Variants in NBAS observed in about 807,000 individuals in gnomAD.
NBAS encodes the protein NBAS subunit of NRZ tethering complex.
In NBAS, 219 loss-of-function variants were observed where a neutral mutation model predicts 302.5. The observed-to-expected ratio is 0.72, with a 90% confidence interval of 0.65 to 0.81. The LOEUF (loss-of-function observed/expected upper bound fraction) is 0.81. Among genes scored for constraint, NBAS ranks in the 30% least tolerant of loss-of-function variants. NBAS has a pLI of 0.00. For missense variants in NBAS, 2,932 were observed against 2,841.6 expected (o/e 1.03, Z -0.72); for synonymous variants, 1,118 against 1,021.6 (o/e 1.09, Z -1.80).
chr2:15,439,729 G>A (rs1269933010), intron 21 of NBAS, among the ~76,000 whole-genome samples: 1 of 152,158 alleles, frequency 6.6e-6, no homozygotes, highest in Non-Finnish European at 1.5e-5. Flanking sequence ...AAGCGCAAGG[G>A]GTCAGGGAGT....
the NBAS span, among the ~76,000 whole-genome samples, chr2:15,037,501 A>G: frequency 6.6e-6 from 1 of 152,248 alleles, no homozygotes; most frequent in Non-Finnish European, 1.5e-5. Flanking sequence ...TCAGGGGTGG[A>G]TATATTTTAT....
intron 35 of NBAS, among the ~76,000 whole-genome samples, chr2:15,348,774 A>C (rs1363327543): frequency 2.0e-5 from 3 of 152,094 alleles, no homozygotes; most frequent in Non-Finnish European, 2.9e-5. Flanking sequence ...GGTGTTTCCA[A>C]CTGAGCTTTA....
rs778189293 is a variant in NBAS at position 15,502,210 on chromosome 2, A to G, written c.954+1935T>C. Among the ~76,000 whole-genome samples, 121 of 152,334 alleles carry G rather than the reference A, an allele frequency of 7.9e-4. No individual in the cohort carries two copies. The Middle Eastern group carries it at 0.017, about 21-fold the overall frequency. On this transcript the variant is annotated intron_variant, in intron 11 of 51. Transcript: ENST00000281513. The stretch of plus-strand genomic sequence containing the variant: ...TCTTGAGGCCTTAATCTCTTCATCA[A>G]TAAAAAGCAGGCATCATAATGCCAG...
At chr2:15,326,982 T>C (rs1238702322) in intron 38 of NBAS, among the ~76,000 whole-genome samples, 1 of 152,104 alleles carries the variant, frequency 6.6e-6, no homozygotes, top group Non-Finnish European at 1.5e-5. Flanking sequence ...TTACTTTACA[T>C]AGGAACGTGC....
chr2:15,454,147 C>G (rs1679144614), intron 21 of NBAS, among the ~76,000 whole-genome samples: 1 of 152,072 alleles, frequency 6.6e-6, no homozygotes, highest in Non-Finnish European at 1.5e-5. Context: ...CCCATTAATA[C>G]TATAAAATAT....
chr2:15,442,537 A>G (rs944311892), intron 21 of NBAS, among the ~76,000 whole-genome samples: 71 of 152,182 alleles, frequency 4.7e-4, no homozygotes, highest in African/African-American at 1.6e-3. Context: ...CTAAATGCCC[A>G]CAAGAGAAAG....
chr2:15,141,690 G>A, the NBAS span, among the ~76,000 whole-genome samples: 1 of 152,032 alleles, frequency 6.6e-6, no homozygotes, highest in Non-Finnish European at 1.5e-5. Flanking sequence ...ATTTTGTTTT[G>A]TTTTGTTTTG....
At chr2:15,241,879 C>T (rs1445047313) in intron 44 of NBAS, among the ~76,000 whole-genome samples, 16 of 152,302 alleles carry the variant, frequency 1.1e-4, no homozygotes, top group East Asian at 5.8e-4. Context: ...TCTCTGGCTT[C>T]GTGGTATAAT....
At chr2:15,301,442 C>A (rs1373987200) in intron 40 of NBAS, among the ~76,000 whole-genome samples, 1 of 152,188 alleles carries the variant, frequency 6.6e-6, no homozygotes, top group Non-Finnish European at 1.5e-5. Context: ...CCACAACAAT[C>A]ACCAACACAG....
At chr2:15,390,636 G>C (rs1010763124) in intron 28 of NBAS, among the ~76,000 whole-genome samples, 5 of 152,118 alleles carry the variant, frequency 3.3e-5, no homozygotes, top group Non-Finnish European at 7.4e-5. Context: ...AACTATGTGA[G>C]ATGATGAATG....
At chr2:14,997,983 G>A in the NBAS span, among the ~76,000 whole-genome samples, 38 of 152,064 alleles carry the variant, frequency 2.5e-4, no homozygotes, top group Admixed American at 7.9e-4. Flanking sequence ...CTTTCTCCTC[G>A]CTTTTTCCCA....
chr2:14,995,845 C>T, the NBAS span, among the ~76,000 whole-genome samples: 1 of 152,122 alleles, frequency 6.6e-6, no homozygotes, highest in Admixed American at 6.5e-5. Flanking sequence ...GCTCAGCCTC[C>T]CAAGTAGCTA....
chr2:15,252,086 A>G (rs902475671), intron 44 of NBAS, among the ~76,000 whole-genome samples: 4 of 152,254 alleles, frequency 2.6e-5, no homozygotes, highest in African/African-American at 9.6e-5. Context: ...GGAGAGCAAC[A>G]CAATCAGCAC....
chr2:15,039,556 C>A, the NBAS span, among the ~76,000 whole-genome samples: 1 of 152,196 alleles, frequency 6.6e-6, no homozygotes, highest in African/African-American at 2.4e-5. Context: ...GCTCAATATT[C>A]TATGCACAAG....
At chr2:15,180,566 G>A (rs1572404932) in intron 50 of NBAS, among the ~76,000 whole-genome samples, 1 of 152,198 alleles carries the variant, frequency 6.6e-6, no homozygotes, top group East Asian at 1.9e-4. Flanking sequence ...GCCGCATCCT[G>A]TGGCCTCTTC....
At chr2:15,179,304 TG>T (rs1664710975) in intron 50 of NBAS, 188 bp from the exon 51 acceptor site, 1 of 755,878 alleles carries the variant, frequency 1.3e-6, no homozygotes, top group Non-Finnish European at 2.2e-6. Flanking sequence ...CACAGTAAAC[TG>T]TGTACAGATT....
chr2:15,068,263 G>A, the NBAS span, among the ~76,000 whole-genome samples: 1 of 152,306 alleles, frequency 6.6e-6, no homozygotes, highest in Non-Finnish European at 1.5e-5. Context: ...TCTGTTGTGA[G>A]CGTTAATGAG....
At chr2:15,178,801 G>C (rs1002359356) in intron 51 of NBAS, among the ~76,000 whole-genome samples, 187 bp downstream of exon 51, 1 of 152,188 alleles carries the variant, frequency 6.6e-6, no homozygotes, top group Admixed American at 6.5e-5. Context: ...GAAGAGCTTA[G>C]TAAGTGTTTG....
At chr2:15,068,390 C>T in the NBAS span, among the ~76,000 whole-genome samples, 5 of 152,172 alleles carry the variant, frequency 3.3e-5, no homozygotes, top group East Asian at 3.9e-4. Context: ...CTGGAGACAC[C>T]GAGGAAGGCA....
Sources: allele counts gnomAD v4.1 joint callset (sites outside exome capture counted in the v4.1 genomes callset), GRCh38; gene constraint gnomAD v4.1.1; transcripts MANE v1.5; gene names NCBI Gene and HGNC (gene_info 2026-07-23, HGNC 2026-07-21).